The following RAB36 variants were observed in gnomAD, a reference collection of about 807,000 sequenced individuals.
RAB36 encodes ras-related protein Rab-36.
Under a neutral mutation model 39.3 loss-of-function variants are expected in RAB36, and 33 were observed. The observed-to-expected ratio is 0.84, with a 90% CI of 0.64 to 1.12. The LOEUF (loss-of-function observed/expected upper bound fraction) is 1.12. Ranked by LOEUF, RAB36 falls within the 50% of genes most tolerant of loss-of-function variation. RAB36 has a pLI of 0.00. For synonymous variants in RAB36, 133 were observed against 140.2 expected, an observed-to-expected ratio of 0.95 and a Z score of 0.36; for missense variants, 308 against 355.3, an observed-to-expected ratio of 0.87 and a Z score of 1.07.
At chr22:23,145,650 A>G in intron 1 of RAB36, 99 bp downstream of exon 1, 1 of 1,319,954 alleles carries the variant, frequency 7.6e-7, no homozygotes, top group South Asian at 1.4e-5. Context: ...GTCCGCGCCC[A>G]CTTCCCGCCC....
Position 23,155,915 on chromosome 22 carries a change from C to T in RAB36, c.330-53C>T, listed in dbSNP as rs2071420946. ...TCCCGTAGCCTGTTGGCTCAAGACA[C>T]TGTGATTGTGTAGCCTGACACCATT... On this transcript the variant is annotated intron_variant, in intron 5 of 10. Coordinates refer to ENST00000263116, the MANE Select transcript of RAB36 (RefSeq NM_004914.5). 10 of 1,523,852 alleles carry T rather than the reference C, an allele frequency of 6.6e-6. No individual in the cohort carries two copies. The South Asian group carries it at 1.2e-4, about 19-fold the overall frequency. The allele number at this position is 1,523,852 out of a possible 1,614,324, so 94.4% of individuals were successfully genotyped here.
rs570091410 is a variant in RAB36 at position 23,161,643 on chromosome 22, G to A, written c.*79G>A. 174 of 1,266,164 alleles carry A rather than the reference G, an allele frequency of 1.4e-4. 4 individuals carry two copies. In the Middle Eastern group the frequency reaches 7.0e-3, roughly 51 times the overall value. 78.4% of individuals were successfully genotyped at this position (1,266,164 alleles called of 1,614,324 possible). ...CCGTGACTGTGGTGTGGAGACTGGA[G>A]CCCAAGCTCTGCAGCGTGTCGCCCT... On this transcript the variant is annotated 3_prime_UTR_variant, in exon 11 of 11. Transcript: ENST00000263116.
At chr22:23,159,514 C>T (rs962101967) in intron 9 of RAB36, among the ~76,000 whole-genome samples, 1 of 152,242 alleles carries the variant, frequency 6.6e-6, no homozygotes, top group Non-Finnish European at 1.5e-5. Flanking sequence ...TGTGTCATGC[C>T]GTGCTGGCCT....
Position 23,145,520 on chromosome 22 carries a change from G to T in RAB36, c.-44G>T, listed in dbSNP as rs368587126. On this transcript the variant is annotated 5_prime_UTR_variant, in exon 1 of 11. Transcript: ENST00000263116. ...GCCGCTGGCTCAGGCGGACCAGGCC[G>T]CGCGGAGCCCCAGCTTTCACAGCCA... 126 of 1,604,172 alleles carry T rather than the reference G, an allele frequency of 7.9e-5. No individual in the cohort carries two copies. The highest frequency in any genetic ancestry group is 3.3e-5 in the Admixed American group (2 of 59,934).
intron 5 of RAB36, 65 bp downstream of exon 5, chr22:23,153,199 G>A (rs1322528810): frequency 8.9e-6 from 11 of 1,237,898 alleles, no homozygotes; most frequent in African/African-American, 1.5e-5. Context: ...AAGGATTTGG[G>A]GAGCTCCTTC....
rs765557563 is a variant in RAB36, at chr22:23,152,482, G to T, written c.183G>T (p.Val61=). ...GTVGLKLSKV[V]VVGDLYVGKT... is the part of the protein sequence containing the mutation. Reference sequence around the variant, plus strand: ...ACAGGCTCAAACTCTCCAAGGTGGTGGTGGTTGGCGATCTCTACGTGGGGA... The same window carrying T: ...ACAGGCTCAAACTCTCCAAGGTGGTTGTGGTTGGCGATCTCTACGTGGGGA... The change falls in exon 4 of 11, where the codon GTG becomes GTT. Residue 61 remains valine, a synonymous_variant. Coordinates refer to ENST00000263116, the MANE Select transcript of RAB36 (RefSeq NM_004914.5). The T allele has an allele frequency of 2.7e-5, 43 of 1,614,070 alleles. 1 individual carries two copies. The South Asian group carries it at 4.7e-4, about 18-fold the overall frequency.
Position 23,155,929 on chromosome 22 carries a change from C to G in RAB36, c.330-39C>G, listed in dbSNP as rs1048323157. 5 of 1,568,548 alleles carry G rather than the reference C, an allele frequency of 3.2e-6. No individual in the cohort carries two copies. In the African/African-American group the frequency reaches 4.1e-5, roughly 13 times the overall value. On this transcript the variant is annotated intron_variant, in intron 5 of 10. Coordinates refer to ENST00000263116, the MANE Select transcript of RAB36 (RefSeq NM_004914.5). ...GGCTCAAGACACTGTGATTGTGTAG[C>G]CTGACACCATTTCCCTTTCTTTCTC...
At chr22:23,145,466 G>GCGTGGCTCT (rs780076854), upstream of RAB36, 6 of 1,609,880 alleles carry the variant, frequency 3.7e-6, no homozygotes, top group Non-Finnish European at 4.2e-6. Flanking sequence ...CGCAGGTCCC[G>GCGTGGCTCT]CGTGGCTCTC....
At position 23,164,878 on chromosome 22, in the gene RAB36, G is replaced by C. The variant is rs1439027768; in HGVS notation, c.*3314G>C. ...CCAGGGTGCTCTCGCTCTGGCTTTC[G>C]AGGCTCCTCACCACCCAGCCCACCC... On this transcript the variant is annotated 3_prime_UTR_variant, in exon 11 of 11. Coordinates refer to ENST00000263116, the MANE Select transcript of RAB36 (RefSeq NM_004914.5). 6.6e-6 allele frequency among the ~76,000 whole-genome samples: 1 copy of C among 151,876 alleles called. No homozygotes were observed. The highest frequency in any genetic ancestry group is 1.5e-5 in the Non-Finnish European group (1 of 67,968).
At chr22:23,145,660 C>T (rs1169065788) in intron 1 of RAB36, 109 bp downstream of exon 1, 3 of 1,277,684 alleles carry the variant, frequency 2.3e-6, no homozygotes, top group Admixed American at 2.6e-5. Context: ...ACTTCCCGCC[C>T]CTATAACTTG....
intron 6 of RAB36, among the ~76,000 whole-genome samples, chr22:23,157,651 A>T (rs1348538097): frequency 6.6e-6 from 1 of 152,196 alleles, no homozygotes; most frequent in South Asian, 2.1e-4. Context: ...CAGGTGGGAA[A>T]ACTGAGGCTC....
chr22:23,156,492 A>C (rs982132610), intron 6 of RAB36, among the ~76,000 whole-genome samples: 1 of 152,130 alleles, frequency 6.6e-6, no homozygotes, highest in Non-Finnish European at 1.5e-5. Context: ...TTCCATGGCC[A>C]AGGGCAGCCA....
chr22:23,151,412 C>T (rs1262768517), intron 3 of RAB36, among the ~76,000 whole-genome samples: 1 of 152,174 alleles, frequency 6.6e-6, no homozygotes, highest in Non-Finnish European at 1.5e-5. Context: ...GCAGGGTAGA[C>T]ACAATCCCTG....
chr22:23,156,140 T>TGAGAAAA, intron 6 of RAB36, 108 bp downstream of exon 6: 1 of 955,890 alleles, frequency 1.0e-6, no homozygotes, highest in Non-Finnish European at 1.6e-6. Flanking sequence ...TTTTTTGTCC[T>TGAGAAAA]CCAAGACCCA....
At chr22:23,160,291 T>C (rs2267007) in intron 9 of RAB36, among the ~76,000 whole-genome samples, 77,797 of 151,998 alleles carry the variant, frequency 0.51, 20,081 homozygotes, top group East Asian at 0.65. Context: ...TAACAGTGAG[T>C]TCACCGACAG....
At chr22:23,145,580 C>G in intron 1 of RAB36, 29 bp downstream of exon 1, 1 of 1,584,554 alleles carries the variant, frequency 6.3e-7, no homozygotes, top group Non-Finnish European at 8.5e-7. Flanking sequence ...TCTGTCCGAC[C>G]CTCCCGGTCA....
At chr22:23,151,945 T>C (rs1022800472) in intron 3 of RAB36, among the ~76,000 whole-genome samples, 2 of 152,118 alleles carry the variant, frequency 1.3e-5, no homozygotes, top group African/African-American at 4.8e-5. Context: ...CAGGGCACGG[T>C]GGTGTCATGG....
chr22:23,145,970 G>A (rs1023180177), intron 1 of RAB36: 107 of 985,230 alleles, frequency 1.1e-4, no homozygotes, highest in Non-Finnish European at 1.2e-4. Flanking sequence ...CTGGGAGCAG[G>A]AGACCCCTCC....
At chr22:23,145,957 A>C (rs1382439455) in intron 1 of RAB36, 2 of 984,932 alleles carry the variant, frequency 2.0e-6, no homozygotes, top group Non-Finnish European at 2.4e-6. Flanking sequence ...CGTCCTTTGC[A>C]GACTGGGAGC....
Sources: allele counts gnomAD v4.1 joint callset (sites outside exome capture counted in the v4.1 genomes callset), GRCh38; gene constraint gnomAD v4.1.1; transcripts MANE v1.5; gene names NCBI Gene and HGNC (gene_info 2026-07-23, HGNC 2026-07-21).